The following MPND variants were observed in gnomAD, a reference collection of about 807,000 sequenced individuals.
MPND encodes MPN domain-containing protein.
In MPND, 56 loss-of-function variants were observed where a neutral mutation model predicts 59.2. The ratio of observed to expected loss-of-function variants is 0.95; its 90% confidence interval spans 0.76 to 1.18. The LOEUF (loss-of-function observed/expected upper bound fraction) is 1.18. MPND is among the 50% of genes most tolerant of loss of function. The pLI, the probability that MPND is intolerant of heterozygous loss-of-function variation, is 0.00. For missense variants in MPND, 671 were observed against 676.0 expected, an observed-to-expected ratio of 0.99 and a Z score of 0.08; for synonymous variants, 323 against 291.9, an observed-to-expected ratio of 1.11 and a Z score of -1.09.
Position 4,354,400 on chromosome 19 carries a change from A to G in MPND, c.826A>G (p.Ser276Gly), listed in dbSNP as rs868267192. The G allele has an allele frequency of 6.4e-7, 1 of 1,558,566 alleles. No individual in the cohort carries two copies. The highest frequency in any genetic ancestry group is 1.2e-5 in the South Asian group (1 of 84,606). Residue 276 changes from serine to glycine, a missense_variant, in exon 6 of 13, where the codon AGC becomes GGC. Ser to Gly is a moderately conservative substitution (Grantham distance 56, BLOSUM62 0). Coordinates refer to ENST00000599840, the MANE Select transcript of MPND (RefSeq NM_001300862.2). The part of the protein sequence containing the change: ...KFQPFNVAVS[S>G]NVLFLLDFHS... The stretch of plus-strand genomic sequence containing the variant: ...CCAGCCGTTCAACGTGGCTGTTTCT[A>G]GCAACGTGCTGTTCCTGCTGGTGTG...
chr19:4,347,899 T>TG (rs1391592356), intron 3 of MPND: 1 of 186,594 alleles, frequency 5.4e-6, no homozygotes, highest in East Asian at 1.3e-4. Flanking sequence ...TTTTTTTTGT[T>TG]TTTTTTTTTT....
intron 3 of MPND, 47 bp from the exon 4 acceptor site, chr19:4,352,850 A>T (rs1213851143): frequency 7.7e-7 from 1 of 1,303,862 alleles, no homozygotes; most frequent in East Asian, 2.9e-5. Context: ...GCGGGGGGGC[A>T]CCCAGCTGAG....
At chr19:4,344,070 C>A in intron 2 of MPND, 76 bp downstream of exon 2, 2 of 1,084,032 alleles carry the variant, frequency 1.8e-6, no homozygotes, top group Non-Finnish European at 1.2e-6. Flanking sequence ...TCCCTTGCTG[C>A]AGGACAAGCT....
intron 3 of MPND, chr19:4,348,683 A>T (rs1474915587): frequency 6.7e-6 from 1 of 149,118 alleles, no homozygotes; most frequent in Admixed American, 6.7e-5. Context: ...TTTGAGATGG[A>T]GTCTCACTGT....
chr19:4,355,672 T>C (rs1972422952), intron 8 of MPND, among the ~76,000 whole-genome samples: 1 of 151,268 alleles, frequency 6.6e-6, no homozygotes, highest in African/African-American at 2.4e-5. Context: ...GGTTTCACCA[T>C]GTTGGTCAGG....
chr19:4,351,118 T>C (rs1016188966), intron 3 of MPND, among the ~76,000 whole-genome samples: 7 of 152,122 alleles, frequency 4.6e-5, no homozygotes, highest in Non-Finnish European at 1.0e-4. Flanking sequence ...AATTTGTATT[T>C]TTGTAGACAG....
rs780228352 is a variant in MPND at position 4,359,973 on chromosome 19, G to A, written c.1477G>A (p.Val493Met). Residue 493 changes from valine (V) to methionine (M), a missense_variant, in exon 13 of 13, where the codon GTG (valine) becomes ATG (methionine). By Grantham distance (21) the Val-to-Met change is conservative. Transcript: ENST00000599840. ...DQSLCHVLEQ[V>M]CGVLKQGS is the part of the protein sequence containing the mutation. The stretch of plus-strand genomic sequence containing the variant: ...GAGCCTGTGTCACGTCCTGGAACAG[G>A]TGTGCGGCGTCCTCAAGCAGGGGAG... 7 of 1,570,898 alleles carry A rather than the reference G, an allele frequency of 4.5e-6. No individual in the cohort carries two copies. The African/African-American group carries it at 6.8e-5, about 15-fold the overall frequency.
chr19:4,343,722 T>G lies in MPND; in HGVS notation c.22T>G (p.Ser8Ala). 8.3e-7 allele frequency: 1 copy of G among 1,203,188 alleles called. No homozygotes were observed. Among genetic ancestry groups the G allele is most frequent in the Middle Eastern group, 3.3e-4 (1 of 3,028 alleles). The allele number at this position is 1,203,188 out of a possible 1,614,324, so 74.5% of individuals were successfully genotyped here. Residue 8 changes from serine to alanine, a missense_variant, in exon 2 of 13, where the codon TCC becomes GCC. Physicochemically the swap from Ser to Ala is moderately conservative, Grantham distance 99 (BLOSUM62 1). Coordinates refer to ENST00000599840, the MANE Select transcript of MPND (RefSeq NM_001300862.2). MAAPEPL[S>A]PAGGAGEEAP... ...GCTGTCCGCAGCTCCGGAGCCGCTGTCCCCGGCGGGCGGTGCGGGCGAGGA... is the reference window on the plus strand; with the variant it reads ...GCTGTCCGCAGCTCCGGAGCCGCTGGCCCCGGCGGGCGGTGCGGGCGAGGA...
chr19:4,354,850 C>A, intron 6 of MPND, 99 bp from the exon 7 acceptor site: 1 of 1,270,790 alleles, frequency 7.9e-7, no homozygotes, highest in Non-Finnish European at 1.1e-6. Context: ...GGCGACAGAG[C>A]AAGACTGAGT....
rs761116442 is a variant in MPND at position 4,344,021 on chromosome 19, TCGCGGCTCGGG to T, written c.294+29_294+39del. 43 of 1,288,098 alleles carry T rather than the reference TCGCGGCTCGGG, an allele frequency of 3.3e-5. No individual in the cohort carries two copies. The African/African-American group carries it at 6.3e-4, about 19-fold the overall frequency. 79.8% of individuals were successfully genotyped at this position (1,288,098 alleles called of 1,614,324 possible). ...TGAGCACCCCGCCTCCCTCGTCCCA[TCGCGGCTCGGG>T]CAGGAAGGGGAAACTGAGGCCTGGA... is the stretch of plus-strand genomic sequence containing the variant. On this transcript the variant is annotated intron_variant, in intron 2 of 12. Coordinates refer to ENST00000599840, the MANE Select transcript of MPND (RefSeq NM_001300862.2).
In MPND at chr19:4,345,933, C is replaced by T; in HGVS notation, c.483C>T (p.Thr161=). Residue 161 remains threonine (T), a synonymous_variant, in exon 3 of 13, where the codon ACC becomes ACT. Coordinates refer to ENST00000599840, the MANE Select transcript of MPND (RefSeq NM_001300862.2). ...AGAAACTGGACAAGTACAAGGCCAC[C>T]TGGCTCCGGCTGCACCAGCTGCACA... ...KGQKLDKYKA[T]WLRLHQLHTP... 1 of 1,613,390 alleles carries T rather than the reference C, an allele frequency of 6.2e-7. No homozygotes were observed. Among genetic ancestry groups the T allele is most frequent in the South Asian group, 1.1e-5 (1 of 91,082 alleles).
At chr19:4,359,786 C>T (rs569509405) in intron 12 of MPND, 130 bp from the exon 13 acceptor site, 75 of 669,544 alleles carry the variant, frequency 1.1e-4, no homozygotes, top group South Asian at 2.4e-4. Context: ...GGCTGTGCTG[C>T]GGGACCCCAG....
In MPND at chr19:4,345,680, AC is replaced by A. The variant is rs1259588161; in HGVS notation, c.295-59del. 4.8e-5 allele frequency: 71 copies of A among 1,488,156 alleles called. No individual in the cohort carries two copies. In the South Asian group the frequency reaches 6.4e-4, roughly 13 times the overall value. 92.2% of individuals were successfully genotyped at this position (1,488,156 alleles called of 1,614,324 possible). ...CTGAGGGAGCGTAGGTCTGGGGAGG[AC>A]CCCCCGGGAGAGAGGGCATGGTGGG... On this transcript the variant is annotated intron_variant, in intron 2 of 12. Transcript: ENST00000599840.
intron 3 of MPND, chr19:4,348,872 G>C (rs1042292024): frequency 6.2e-6 from 1 of 162,030 alleles, no homozygotes; most frequent in African/African-American, 2.5e-5. Context: ...GGCCAGGCTG[G>C]TCTTGAACTC....
chr19:4,346,814 G>A (rs900005767), intron 3 of MPND, among the ~76,000 whole-genome samples: 4 of 151,018 alleles, frequency 2.6e-5, no homozygotes, highest in African/African-American at 7.3e-5. Flanking sequence ...GCAGGTTCAC[G>A]AGGTCAAGAG....
chr19:4,343,627 C>CACGGG lies in MPND; in HGVS notation c.7+27_7+28insACGGG, dbSNP rs1568392981. The CACGGG allele has an allele frequency of 6.4e-6, 5 of 779,764 alleles. No individual in the cohort carries two copies. The Admixed American group carries it at 1.9e-4, about 29-fold the overall frequency. The allele number at this position is 779,764 out of a possible 1,614,324, so 48.3% of individuals were successfully genotyped here. A position where few individuals can be genotyped will look rare whatever the true frequency, so the allele number is the denominator to read the frequency against. On this transcript the variant is annotated intron_variant, in intron 1 of 12. Coordinates refer to ENST00000599840, the MANE Select transcript of MPND (RefSeq NM_001300862.2). ...TACGGCGGGCCCAGCGGGGCGGAGG[C>CACGGG]GCGGGGCGCGGGGCTGCAGGGGCGC...
Position 4,354,394 on chromosome 19 carries a change from G to C in MPND, c.820G>C (p.Val274Leu). ...CAAGTTCCAGCCGTTCAACGTGGCT[G>C]TTTCTAGCAACGTGCTGTTCCTGCT... Reference protein sequence around the residue: ...INKFQPFNVAVSSNVLFLLDF... With the variant: ...INKFQPFNVALSSNVLFLLDF... Residue 274 changes from valine (V) to leucine (L), a missense_variant, in exon 6 of 13, where the codon GTT (valine) becomes CTT (leucine). Coordinates refer to ENST00000599840, the MANE Select transcript of MPND (RefSeq NM_001300862.2). The C allele has an allele frequency of 1.3e-6, 2 of 1,559,872 alleles. No homozygotes were observed. The highest frequency in any genetic ancestry group is 1.7e-6 in the Non-Finnish European group (2 of 1,150,606).
rs749222856 is a variant in MPND at position 4,345,801 on chromosome 19, C to T, written c.351C>T (p.Thr117=). ...QPDGRIMWQE[T]GQTFNSPSAW... Reference sequence around the variant, plus strand: ...ACGGAAGGATCATGTGGCAGGAGACCGGGCAGACCTTCAACTCACCCAGCG... The same window carrying T: ...ACGGAAGGATCATGTGGCAGGAGACTGGGCAGACCTTCAACTCACCCAGCG... Residue 117 remains threonine, a synonymous_variant, in exon 3 of 13, where the codon ACC becomes ACT. Coordinates refer to ENST00000599840, the MANE Select transcript of MPND (RefSeq NM_001300862.2). 17 of 1,613,928 alleles carry T rather than the reference C, an allele frequency of 1.1e-5. No individual in the cohort carries two copies. Among genetic ancestry groups the T allele is most frequent in the Admixed American group, 3.3e-5 (2 of 60,020 alleles).
At chr19:4,355,047 G>A (rs745478748) in intron 7 of MPND, 26 bp downstream of exon 7, 1 of 1,609,598 alleles carries the variant, frequency 6.2e-7, no homozygotes, top group Non-Finnish European at 8.5e-7. Flanking sequence ...CAGGTGGGCG[G>A]GGGCGTTGGA....
Sources: gnomAD v4.1 joint callset for allele counts (sites outside exome capture counted in the v4.1 genomes callset) on GRCh38, gnomAD v4.1.1 for gene constraint, MANE v1.5 for transcripts, NCBI Gene and HGNC (gene_info 2026-07-23, HGNC 2026-07-21) for gene names.